YIF1B: variants seen among roughly 807,000 people sequenced by gnomAD.
The protein encoded by YIF1B is protein YIF1B.
YIF1B carries 24 observed loss-of-function variants against 34.6 expected under a neutral mutation model. The ratio of observed to expected loss-of-function variants is 0.69; its 90% CI spans 0.50 to 0.98. The LOEUF is 0.98. Ranked by LOEUF, YIF1B falls within the 50% of genes least tolerant of loss-of-function variation. The probability of loss-of-function intolerance (pLI) is 0.00; values close to 1 mark genes in which losing one functional copy is unlikely to be tolerated. For missense variants in YIF1B, 368 were observed against 429.4 expected, an observed-to-expected ratio of 0.86 and a Z score of 1.26; for synonymous variants, 186 against 184.8, an observed-to-expected ratio of 1.01 and a Z score of -0.05.
chr19:38,315,117 C>A (rs1300167592), intron 1 of YIF1B, among the ~76,000 whole-genome samples: 2 of 151,892 alleles, frequency 1.3e-5, no homozygotes, highest in African/African-American at 4.8e-5. Context: ...TGGTGGCCTG[C>A]GCCTGTAATC....
At chr19:38,309,764 G>T in intron 1 of YIF1B, 121 bp from the exon 2 acceptor site, 1 of 1,448,722 alleles carries the variant, frequency 6.9e-7, no homozygotes, top group Non-Finnish European at 9.1e-7. Flanking sequence ...CACCATTAGA[G>T]ACACTGGCTT....
rs1214783347 is a variant in YIF1B at position 38,304,837 on chromosome 19, C to T, written c.*515G>A. 1 of 1,613,706 alleles carries T rather than the reference C, an allele frequency of 6.2e-7. No individual in the cohort carries two copies. Among genetic ancestry groups the T allele is most frequent in the Admixed American group, 1.7e-5 (1 of 60,030 alleles). ...TCTTCTCTCCCATCCCTGCCCTCGG[C>T]CCCACAGTCCCACGCTGCTGGCTCC... On this transcript the variant is annotated 3_prime_UTR_variant, in exon 8 of 8. Coordinates refer to ENST00000339413, the MANE Select transcript of YIF1B (RefSeq NM_001039672.3).
chr19:38,304,082 T>C lies in YIF1B; in HGVS notation c.*1270A>G, dbSNP rs1968875473. 7.9e-6 allele frequency: 6 copies of C among 759,814 alleles called. No individual in the cohort carries two copies. Among genetic ancestry groups the C allele is most frequent in the Non-Finnish European group, 1.2e-5 (6 of 480,190 alleles). 47.1% of individuals were successfully genotyped at this position (759,814 alleles called of 1,614,324 possible). On this transcript the variant is annotated 3_prime_UTR_variant, in exon 8 of 8. Transcript: ENST00000339413. Reference sequence around the variant, plus strand: ...CAGTCACCTGTCCATCTCCCCCACTTCTCACAGAGGAAATCCTGGGTGGTG... The same window carrying C: ...CAGTCACCTGTCCATCTCCCCCACTCCTCACAGAGGAAATCCTGGGTGGTG...
intron 1 of YIF1B, among the ~76,000 whole-genome samples, chr19:38,311,084 T>C (rs959995726): frequency 4.2e-4 from 64 of 151,908 alleles, no homozygotes; most frequent in African/African-American, 1.4e-3. Flanking sequence ...GATCAATGAA[T>C]AAAGGCAGCC....
Position 38,304,708 on chromosome 19 carries a change from C to T in YIF1B, c.*644G>A. The T allele has an allele frequency of 6.2e-7, 1 of 1,613,676 alleles. No individual in the cohort carries two copies. ...GAAGGTAAGGGGCTCTCGCCAGCGTCCCCAAGCACGTGCCCTGCACCCCAG... is the reference window on the plus strand; with the variant it reads ...GAAGGTAAGGGGCTCTCGCCAGCGTTCCCAAGCACGTGCCCTGCACCCCAG... On this transcript the variant is annotated 3_prime_UTR_variant, in exon 8 of 8. Coordinates refer to ENST00000339413, the MANE Select transcript of YIF1B (RefSeq NM_001039672.3).
upstream of YIF1B, among the ~76,000 whole-genome samples, chr19:38,320,733 A>C (rs943319762): frequency 1.3e-5 from 2 of 151,206 alleles, no homozygotes; most frequent in African/African-American, 2.4e-5. Context: ...TAATTTTTGT[A>C]TTTTCAGTGG....
At chr19:38,317,190 C>G (rs1969578331), upstream of YIF1B, 1 of 152,388 alleles carries the variant, frequency 6.6e-6, no homozygotes, top group African/African-American at 2.4e-5. Context: ...CGTCCTTAGT[C>G]TCTCCTCTCT....
At chr19:38,319,345 G>A (rs1449960631), upstream of YIF1B, among the ~76,000 whole-genome samples, 1 of 152,096 alleles carries the variant, frequency 6.6e-6, no homozygotes, top group Non-Finnish European at 1.5e-5. Flanking sequence ...ATCCAGCGAG[G>A]GGTCAGCAGA....
chr19:38,314,270 C>T (rs920573708), intron 1 of YIF1B, among the ~76,000 whole-genome samples: 3 of 150,716 alleles, frequency 2.0e-5, no homozygotes, highest in Admixed American at 1.3e-4. Flanking sequence ...TCTCGGCCCA[C>T]TGCACCCTCC....
At position 38,307,375 on chromosome 19, in the gene YIF1B, G is replaced by T. The variant is rs1969097514; in HGVS notation, c.789+53C>A. ...CTGACATCCTCTGCTTGGATGCCTG[G>T]ATGCCTCCGGGGCACCTGTGCCTCA... On this transcript the variant is annotated intron_variant, in intron 7 of 7. Transcript: ENST00000339413. 1.9e-6 allele frequency: 3 copies of T among 1,583,524 alleles called. No individual in the cohort carries two copies. In the Admixed American group the frequency reaches 5.1e-5, roughly 27 times the overall value.
rs1321871905 is a variant in YIF1B, at chr19:38,303,658, C to T, written c.*1694G>A. Among the ~76,000 whole-genome samples the T allele has an allele frequency of 6.6e-6, 1 of 152,254 alleles. No homozygotes were observed. Among genetic ancestry groups the T allele is most frequent in the African/African-American group, 2.4e-5 (1 of 41,472 alleles). ...CTAGGAAATTAACTCCTCTGACTTT[C>T]ACATCAATCCCATGGGTAGCTGTTA... On this transcript the variant is annotated 3_prime_UTR_variant, in exon 8 of 8. Transcript: ENST00000339413.
rs1464976842 is a variant in YIF1B at position 38,304,691 on chromosome 19, G to A, written c.*661C>T. The A allele has an allele frequency of 3.1e-6, 5 of 1,613,560 alleles. No individual in the cohort carries two copies. Among genetic ancestry groups the A allele is most frequent in the Non-Finnish European group, 4.2e-6 (5 of 1,179,980 alleles). ...GATTCGGACACGGATGTGAAGGTAA[G>A]GGGCTCTCGCCAGCGTCCCCAAGCA... On this transcript the variant is annotated 3_prime_UTR_variant, in exon 8 of 8. Transcript: ENST00000339413.
upstream of YIF1B, among the ~76,000 whole-genome samples, chr19:38,320,834 C>T (rs906300585): frequency 1.3e-5 from 2 of 152,148 alleles, no homozygotes; most frequent in African/African-American, 4.8e-5. Flanking sequence ...GCTGGCATTA[C>T]AGGCTTGAGC....
intron 1 of YIF1B, chr19:38,315,592 A>G (rs567332076): frequency 6.7e-7 from 1 of 1,501,496 alleles, no homozygotes; most frequent in Non-Finnish European, 8.9e-7. Context: ...GGAGCAGGGA[A>G]GGGCGGATCG....
At position 38,304,743 on chromosome 19, in the gene YIF1B, C is replaced by A; in HGVS notation, c.*609G>T. 4 of 1,611,892 alleles carry A rather than the reference C, an allele frequency of 2.5e-6. No individual in the cohort carries two copies. The highest frequency in any genetic ancestry group is 2.2e-5 in the South Asian group (2 of 91,018). On this transcript the variant is annotated 3_prime_UTR_variant, in exon 8 of 8. Transcript: ENST00000339413. ...GTGCCCTGCACCCCAGAGAGGCGTCCCCGCACTGGGGCTGGCGGGGAGGGT... is the reference window on the plus strand; with the variant it reads ...GTGCCCTGCACCCCAGAGAGGCGTCACCGCACTGGGGCTGGCGGGGAGGGT...
Position 38,315,880 on chromosome 19 carries a change from G to A in YIF1B, c.38C>T (p.Thr13Met). ...CGTACGCCACTTACGCAGCCGGGGC[G>A]TCCCCGCAGCCGCCGCCGCCAAGCC... is the stretch of plus-strand genomic sequence containing the variant. ...PAGLAAAAAG[T>M]PRLRKWPSKR... Residue 13 changes from threonine to methionine, a missense_variant, in exon 1 of 8, where the codon ACG (threonine) becomes ATG (methionine). Thr to Met is a moderately conservative substitution (Grantham distance 81). This residue lies in a region of YIF1B where 153 missense variants were observed against 156.7 expected (regional missense o/e 0.98). Coordinates refer to ENST00000339413, the MANE Select transcript of YIF1B (RefSeq NM_001039672.3). The A allele has an allele frequency of 6.7e-7, 1 of 1,488,896 alleles. No individual in the cohort carries two copies. Among genetic ancestry groups the A allele is most frequent in the Non-Finnish European group, 8.9e-7 (1 of 1,128,456 alleles). 92.2% of individuals were successfully genotyped at this position (1,488,896 alleles called of 1,614,324 possible).
In YIF1B at chr19:38,305,086, T is replaced by A; in HGVS notation, c.*266A>T. ...GCCCAGCGCTGGGCCCGCCCATTCG[T>A]GCGCGAGGCCAAGGAGAGGCTGTCC... On this transcript the variant is annotated 3_prime_UTR_variant, in exon 8 of 8. Transcript: ENST00000339413. The A allele has an allele frequency of 1.3e-6, 2 of 1,496,806 alleles. No homozygotes were observed. The highest frequency in any genetic ancestry group is 1.8e-6 in the Non-Finnish European group (2 of 1,118,700). The allele number at this position is 1,496,806 out of a possible 1,614,324, so 92.7% of individuals were successfully genotyped here. A position where few individuals can be genotyped will look rare whatever the true frequency, so the allele number is the denominator to read the frequency against.
upstream of YIF1B, chr19:38,319,742 G>A: frequency 1.9e-6 from 1 of 523,120 alleles, no homozygotes; most frequent in Non-Finnish European, 3.2e-6. Context: ...CTCTCCGAAC[G>A]AACACCTGGC....
chr19:38,317,736 A>C (rs1226859808), upstream of YIF1B, among the ~76,000 whole-genome samples: 1 of 151,278 alleles, frequency 6.6e-6, no homozygotes, highest in Non-Finnish European at 1.5e-5. Context: ...GTGCCATCGC[A>C]CCTGGCTAAT....
Sources: gnomAD v4.1 joint callset for allele counts (sites outside exome capture counted in the v4.1 genomes callset) on GRCh38, gnomAD v4.1.1 for gene constraint, gnomAD v4.1.1 regional missense constraint, MANE v1.5 for transcripts, NCBI Gene and HGNC (gene_info 2026-07-23, HGNC 2026-07-21) for gene names.